Variants in ADAM23 observed in about 807,000 individuals in gnomAD.
ADAM23 encodes the protein ADAM metallopeptidase domain 23, also known as disintegrin and metalloproteinase domain-containing protein 23.
In ADAM23, 33 loss-of-function variants were observed where a neutral mutation model predicts 120.1. The observed-to-expected ratio is 0.27, with a 90% CI of 0.21 to 0.37. ADAM23 has a LOEUF of 0.37. Among genes scored for constraint, ADAM23 ranks in the 10% least tolerant of loss-of-function variants. The pLI, the probability that ADAM23 is intolerant of heterozygous loss-of-function variation, is 1.00. For synonymous variants in ADAM23, 367 were observed against 375.2 expected (o/e 0.98, Z 0.25); for missense variants, 862 against 1,058.2 (o/e 0.81, Z 2.57).
At chr2:206,515,449 G>T (rs900833955) in intron 3 of ADAM23, among the ~76,000 whole-genome samples, 1 of 152,088 alleles carries the variant, frequency 6.6e-6, no homozygotes, top group African/African-American at 2.4e-5. Flanking sequence ...TTTGCTCCAT[G>T]TTGCACCACA....
At chr2:206,466,334 A>G (rs1695541839) in intron 2 of ADAM23, among the ~76,000 whole-genome samples, 1 of 152,186 alleles carries the variant, frequency 6.6e-6, no homozygotes, top group Admixed American at 6.5e-5. Context: ...TTGGACTTGA[A>G]TTCTTTTTGG....
chr2:206,583,847 CT>C (rs1406761533), intron 18 of ADAM23, among the ~76,000 whole-genome samples: 1 of 152,056 alleles, frequency 6.6e-6, no homozygotes, highest in Non-Finnish European at 1.5e-5. Context: ...TCCTGAAATT[CT>C]TTTTCAGGTA....
At chr2:206,578,195 C>A (rs1027815299) in intron 18 of ADAM23, among the ~76,000 whole-genome samples, 2 of 152,078 alleles carry the variant, frequency 1.3e-5, no homozygotes, top group South Asian at 2.1e-4. Context: ...TTTAACATTA[C>A]AAATCTATTT....
chr2:206,532,325 CTTT>C (rs755429602), intron 4 of ADAM23, among the ~76,000 whole-genome samples: 1 of 142,100 alleles, frequency 7.0e-6, no homozygotes. Flanking sequence ...CACTTAGTTA[CTTT>C]TTTTTTTTTT....
In ADAM23 at chr2:206,589,344, C is replaced by T. The variant is rs151077563; in HGVS notation, c.1853-65C>T. ...ATCGGGTGTTAAACACTTACTGGCACACTACTGGTTATGGATAACAAAGAA... is the reference window on the plus strand; with the variant it reads ...ATCGGGTGTTAAACACTTACTGGCATACTACTGGTTATGGATAACAAAGAA... On this transcript the variant is annotated intron_variant, in intron 20 of 25. Transcript: ENST00000264377. 756 of 1,367,954 alleles carry T rather than the reference C, an allele frequency of 5.5e-4. 2 individuals carry two copies. The African/African-American group carries it at 7.7e-3, about 14-fold the overall frequency. 84.7% of individuals were successfully genotyped at this position (1,367,954 alleles called of 1,614,324 possible).
At position 206,588,115 on chromosome 2, in the gene ADAM23, A is replaced by C. The variant is rs1043565946; in HGVS notation, c.1813A>C (p.Lys605Gln). Residue 605 changes from lysine (K) to glutamine (Q), a missense_variant, in exon 20 of 26, where the codon AAG (lysine) becomes CAG (glutamine). Lys to Gln is a moderately conservative substitution (Grantham distance 53). This residue lies in a region of ADAM23 where 617 missense variants were observed against 813.5 expected (regional missense o/e 0.76). Transcript: ENST00000264377. ...NQGRCYNGEC[K>Q]TRDNQCQYIW... ...GGGCCGCTGCTACAATGGCGAGTGCAAGACCAGAGACAACCAGTGTCAGTA... is the reference window on the plus strand; with the variant it reads ...GGGCCGCTGCTACAATGGCGAGTGCCAGACCAGAGACAACCAGTGTCAGTA... The C allele has an allele frequency of 6.2e-7, 1 of 1,614,020 alleles. No individual in the cohort carries two copies. Among genetic ancestry groups the C allele is most frequent in the Admixed American group, 1.7e-5 (1 of 60,008 alleles).
At chr2:206,604,835 G>A (rs1377793510) in intron 24 of ADAM23, among the ~76,000 whole-genome samples, 2 of 152,154 alleles carry the variant, frequency 1.3e-5, no homozygotes, top group Admixed American at 6.5e-5. Flanking sequence ...CAGCCTTGTT[G>A]AAGCTAATCT....
intron 2 of ADAM23, 101 bp downstream of exon 2, chr2:206,445,625 T>G (rs1346659010): frequency 9.9e-7 from 1 of 1,009,978 alleles, no homozygotes; most frequent in African/African-American, 1.6e-5. Context: ...ACTGCAGCAT[T>G]TTATTAAGAA....
At chr2:206,468,365 C>G (rs2105866213) in intron 2 of ADAM23, among the ~76,000 whole-genome samples, 1 of 152,322 alleles carries the variant, frequency 6.6e-6, no homozygotes, top group South Asian at 2.1e-4. Flanking sequence ...GCAGCCACAT[C>G]TTGAACACCA....
At chr2:206,512,477 C>T (rs1459672153) in intron 3 of ADAM23, among the ~76,000 whole-genome samples, 1 of 152,120 alleles carries the variant, frequency 6.6e-6, no homozygotes, top group East Asian at 1.9e-4. Flanking sequence ...CGTTACATGG[C>T]CTCAAGATCT....
At chr2:206,555,015 A>G (rs1697615043) in intron 9 of ADAM23, among the ~76,000 whole-genome samples, 1 of 152,070 alleles carries the variant, frequency 6.6e-6, no homozygotes, top group Admixed American at 6.5e-5. Context: ...CTCTGGAATT[A>G]TGTGAGTGCC....
intron 4 of ADAM23, among the ~76,000 whole-genome samples, chr2:206,539,353 T>C (rs959487347): frequency 4.6e-5 from 7 of 152,182 alleles, no homozygotes; most frequent in Non-Finnish European, 8.8e-5. Context: ...AATCGAGCCC[T>C]TTTTGGTTGT....
At chr2:206,499,173 G>GC (rs1474131954) in intron 3 of ADAM23, among the ~76,000 whole-genome samples, 222 of 151,932 alleles carry the variant, frequency 1.5e-3, no homozygotes, top group African/African-American at 5.1e-3. Context: ...TGTAAATCAT[G>GC]CTGCTATAAA....
intron 3 of ADAM23, among the ~76,000 whole-genome samples, chr2:206,515,994 C>T (rs2105786136): frequency 6.6e-6 from 1 of 151,798 alleles, no homozygotes; most frequent in Admixed American, 6.6e-5. Flanking sequence ...GTTTCTTTTC[C>T]TCTAATTTAT....
chr2:206,589,607 T>C (rs1178482373), intron 21 of ADAM23, 93 bp downstream of exon 21: 1 of 1,014,088 alleles, frequency 9.9e-7, no homozygotes, highest in Non-Finnish European at 1.4e-6. Flanking sequence ...TAATGATTTT[T>C]TTCTAAGTGT....
At chr2:206,570,611 C>T in intron 15 of ADAM23, 129 bp from the exon 16 acceptor site, 1 of 671,728 alleles carries the variant, frequency 1.5e-6, no homozygotes, top group Non-Finnish European at 2.6e-6. Flanking sequence ...TATAAGATGC[C>T]ACAACAACAG....
intron 9 of ADAM23, among the ~76,000 whole-genome samples, chr2:206,554,166 G>A (rs953401109): frequency 3.3e-5 from 5 of 151,762 alleles, no homozygotes; most frequent in East Asian, 1.9e-4. Flanking sequence ...GTGATTTAAC[G>A]TTGGCTGCCT....
At chr2:206,503,908 A>G (rs1299631807) in intron 3 of ADAM23, among the ~76,000 whole-genome samples, 3 of 152,148 alleles carry the variant, frequency 2.0e-5, no homozygotes, top group Non-Finnish European at 2.9e-5. Flanking sequence ...GCAACTACGT[A>G]AATTTTGACC....
chr2:206,482,251 A>T (rs1040132137), intron 3 of ADAM23, among the ~76,000 whole-genome samples: 4 of 152,228 alleles, frequency 2.6e-5, no homozygotes, highest in Non-Finnish European at 4.4e-5. Flanking sequence ...GCTTTAAGTC[A>T]GAATGAATCA....
Sources: gnomAD v4.1 joint callset for allele counts (sites outside exome capture counted in the v4.1 genomes callset) on GRCh38, gnomAD v4.1.1 for gene constraint, gnomAD v4.1.1 regional missense constraint, MANE v1.5 for transcripts, NCBI Gene and HGNC (gene_info 2026-07-23, HGNC 2026-07-21) for gene names.